The following CNTLN variants were observed in gnomAD, a reference collection of about 807,000 sequenced individuals.
The protein encoded by CNTLN is centlein, centrosomal protein.
CNTLN carries 212 observed loss-of-function variants against 180.0 expected under a neutral mutation model. That is an observed-to-expected ratio of 1.18 (90% CI 1.05 to 1.32). The LOEUF (loss-of-function observed/expected upper bound fraction) is 1.32. CNTLN is among the 40% of genes most tolerant of loss of function. The pLI is 0.00. For synonymous variants in CNTLN, 722 were observed against 563.1 expected (o/e 1.28, Z -3.99); for missense variants, 2,095 against 1,610.9 (o/e 1.30, Z -5.14).
chr9:17,387,282 C>G (rs1042198768), intron 13 of CNTLN, among the ~76,000 whole-genome samples: 6 of 152,110 alleles, frequency 3.9e-5, no homozygotes, highest in African/African-American at 1.4e-4. Flanking sequence ...TAATCTCAGG[C>G]TAACACAGAT....
intron 2 of CNTLN, chr9:17,168,232 C>A (rs1057208942): frequency 1.8e-4 from 27 of 151,984 alleles, no homozygotes; most frequent in African/African-American, 6.0e-4. Context: ...GGATACTAGC[C>A]CTCTCAAACA....
chr9:17,338,343 T>TTG (rs1242952777), intron 10 of CNTLN, among the ~76,000 whole-genome samples: 8 of 144,058 alleles, frequency 5.6e-5, no homozygotes, highest in African/African-American at 1.5e-4. Context: ...TTTTGTTTTT[T>TTG]TTTTTTTTTT....
In CNTLN at chr9:17,326,773, C is replaced by G. The variant is rs1301540753; in HGVS notation, c.1342-3859C>G. ...ATCTTCCTTCTCAAAACTCATAACCCCAGTCTAATCATGAGAAAAACATCA... is the reference window on the plus strand; with the variant it reads ...ATCTTCCTTCTCAAAACTCATAACCGCAGTCTAATCATGAGAAAAACATCA... On this transcript the variant is annotated intron_variant, in intron 8 of 25. Coordinates refer to ENST00000380647, the MANE Select transcript of CNTLN (RefSeq NM_017738.4). 2.0e-5 allele frequency among the ~76,000 whole-genome samples: 3 copies of G among 152,040 alleles called. 1 individual carries two copies. The highest frequency in any genetic ancestry group is 4.1e-4 in the South Asian group (2 of 4,822).
At chr9:17,377,790 A>G (rs1824900593) in intron 13 of CNTLN, among the ~76,000 whole-genome samples, 1 of 151,834 alleles carries the variant, frequency 6.6e-6, no homozygotes, top group Non-Finnish European at 1.5e-5. Context: ...GAATTCCCCA[A>G]CCTCCCCTGT....
chr9:17,157,016 G>T lies in CNTLN; in HGVS notation c.449+13640G>T, dbSNP rs79736915. ...AAAGATACTGGAGGCTGAAGTGGAC[G>T]CCACAACAAATAATGTTAGTGATAA... On this transcript the variant is annotated intron_variant, in intron 2 of 25. Coordinates refer to ENST00000380647, the MANE Select transcript of CNTLN (RefSeq NM_017738.4). 3.3e-5 allele frequency among the ~76,000 whole-genome samples: 5 copies of T among 152,254 alleles called. No homozygotes were observed. The South Asian group carries it at 1.0e-3, about 32-fold the overall frequency.
chr9:17,375,015 A>T (rs943669051), intron 13 of CNTLN, among the ~76,000 whole-genome samples: 1 of 152,212 alleles, frequency 6.6e-6, no homozygotes, highest in African/African-American at 2.4e-5. Flanking sequence ...TTTGGAAGCA[A>T]CCCAAATGTT....
intron 12 of CNTLN, among the ~76,000 whole-genome samples, chr9:17,355,790 C>A (rs993806950): frequency 6.6e-6 from 1 of 152,108 alleles, no homozygotes. Context: ...CCAGGCTGGG[C>A]GCAGTGGCTC....
downstream of CNTLN, among the ~76,000 whole-genome samples, chr9:17,505,128 G>C (rs146974643): frequency 6.4e-3 from 498 of 78,206 alleles, no homozygotes; most frequent in Non-Finnish European, 9.5e-3. Flanking sequence ...ACAAAAATTG[G>C]CACTCATTTA....
intron 25 of CNTLN, among the ~76,000 whole-genome samples, chr9:17,495,792 A>C (rs1044692755): frequency 1.3e-5 from 2 of 152,150 alleles, no homozygotes; most frequent in African/African-American, 4.8e-5. Context: ...ATTCATGGTA[A>C]GTGTCCTATT....
intron 21 of CNTLN, among the ~76,000 whole-genome samples, chr9:17,465,693 A>G (rs995646868): frequency 4.0e-5 from 6 of 151,260 alleles, no homozygotes; most frequent in African/African-American, 1.5e-4. Context: ...AGTTTAGATT[A>G]GTAATTAATG....
rs528441445 is a variant in CNTLN at position 17,406,949 on chromosome 9, A to G, written c.2616-2344A>G. ...TGTGAAATATGCTGCTTTTTATGAC[A>G]CTTTTCATACCACTTTGGCCATTAC... On this transcript the variant is annotated intron_variant, in intron 15 of 25. Transcript: ENST00000380647. Among the ~76,000 whole-genome samples, 11 of 152,032 alleles carry G rather than the reference A, an allele frequency of 7.2e-5. No homozygotes were observed. The South Asian group carries it at 2.1e-3, about 29-fold the overall frequency.
chr9:17,262,157 G>A lies in CNTLN; in HGVS notation c.850-11576G>A, dbSNP rs948415285. ...GCAAATTAGTTCAACCATTGTGGAA[G>A]ACAGTGTGGCGATTCCTCAGGGATC... is the stretch of plus-strand genomic sequence containing the variant. On this transcript the variant is annotated intron_variant, in intron 5 of 25. Coordinates refer to ENST00000380647, the MANE Select transcript of CNTLN (RefSeq NM_017738.4). Among the ~76,000 whole-genome samples, 40 of 151,544 alleles carry A rather than the reference G, an allele frequency of 2.6e-4. 1 individual carries two copies. The highest frequency in any genetic ancestry group is 9.5e-4 in the African/African-American group (39 of 40,870).
chr9:17,327,286 G>A (rs576480709), intron 8 of CNTLN, among the ~76,000 whole-genome samples: 4 of 78,548 alleles, frequency 5.1e-5, no homozygotes, highest in Admixed American at 1.4e-4. Context: ...ATCTTGGGTC[G>A]CTGCAAACTC....
At position 17,372,924 on chromosome 9, in the gene CNTLN, A is replaced by G. The variant is rs577223420; in HGVS notation, c.1987+6207A>G. 3.8e-4 allele frequency among the ~76,000 whole-genome samples: 58 copies of G among 152,328 alleles called. 2 individuals carry two copies. In the South Asian group the frequency reaches 0.012, roughly 31 times the overall value. On this transcript the variant is annotated intron_variant, in intron 13 of 25. Coordinates refer to ENST00000380647, the MANE Select transcript of CNTLN (RefSeq NM_017738.4). Reference sequence around the variant, plus strand: ...CTGAAAAAGCATTCAGTGAAATTCAACATTCTTTCATGAGAAAATCTCTCA... The same window carrying G: ...CTGAAAAAGCATTCAGTGAAATTCAGCATTCTTTCATGAGAAAATCTCTCA...
At chr9:17,138,890 C>T (rs1817893996) in intron 1 of CNTLN, among the ~76,000 whole-genome samples, 1 of 151,942 alleles carries the variant, frequency 6.6e-6, no homozygotes, top group African/African-American at 2.4e-5. Context: ...TATCTATTTC[C>T]AGGTCAGTTG....
chr9:17,167,058 G>C, intron 2 of CNTLN: 1 of 203,166 alleles, frequency 4.9e-6, no homozygotes, highest in South Asian at 8.3e-5. Flanking sequence ...TTTTGAGAAA[G>C]ATATTTCATA....
At chr9:17,308,664 G>T (rs1017839477) in intron 7 of CNTLN, among the ~76,000 whole-genome samples, 9 of 150,782 alleles carry the variant, frequency 6.0e-5, no homozygotes, top group Non-Finnish European at 1.3e-4. Context: ...TTTGTTTTTG[G>T]TCAATTCCAA....
intron 10 of CNTLN, among the ~76,000 whole-genome samples, chr9:17,336,418 T>C (rs1351868226): frequency 1.3e-5 from 2 of 152,340 alleles, no homozygotes; most frequent in African/African-American, 4.8e-5. Context: ...AACTTTACTC[T>C]CTATTGCTGA....
intron 16 of CNTLN, among the ~76,000 whole-genome samples, chr9:17,410,748 G>A (rs984721181): frequency 5.3e-4 from 81 of 152,030 alleles, no homozygotes; most frequent in African/African-American, 1.9e-3. Context: ...TAGGGATTAA[G>A]TTTACCAATT....
Sources: gnomAD v4.1 joint callset for allele counts (sites outside exome capture counted in the v4.1 genomes callset) on GRCh38, gnomAD v4.1.1 for gene constraint, MANE v1.5 for transcripts, NCBI Gene and HGNC (gene_info 2026-07-23, HGNC 2026-07-21) for gene names.